The following SEMA6D variants were observed in gnomAD, a reference collection of about 807,000 sequenced individuals.
SEMA6D encodes semaphorin-6D.
Under a neutral mutation model 106.6 loss-of-function variants are expected in SEMA6D, and 35 were observed. The ratio of observed to expected loss-of-function variants is 0.33; its 90% CI spans 0.25 to 0.44. SEMA6D has a LOEUF of 0.44. Among genes scored for constraint, SEMA6D ranks in the 20% least tolerant of loss-of-function variants. The pLI, the probability that SEMA6D is intolerant of heterozygous loss-of-function variation, is 1.00. For synonymous variants in SEMA6D, 499 were observed against 487.7 expected (o/e 1.02, Z -0.31); for missense variants, 1,185 against 1,345.9 (o/e 0.88, Z 1.87).
intron 1 of SEMA6D, chr15:47,730,309 G>A: frequency 6.6e-7 from 1 of 1,515,914 alleles, no homozygotes; most frequent in Non-Finnish European, 9.0e-7. Flanking sequence ...AAGCGCCTTT[G>A]TCTTCCGAGT....
At chr15:47,700,736 GC>G (rs2078793520) in intron 4 of SEMA6D, among the ~76,000 whole-genome samples, 1 of 152,106 alleles carries the variant, frequency 6.6e-6, no homozygotes. Context: ...GCCAGCCTGG[GC>G]AACATAGCAA....
intron 1 of SEMA6D, among the ~76,000 whole-genome samples, chr15:47,758,750 A>G (rs1336947520): frequency 1.3e-5 from 2 of 152,156 alleles, no homozygotes; most frequent in African/African-American, 2.4e-5. Context: ...AATGCTCTAT[A>G]TTTGAAGGAC....
chr15:47,562,231 T>C (rs2046102213), intron 3 of SEMA6D, among the ~76,000 whole-genome samples: 1 of 152,010 alleles, frequency 6.6e-6, no homozygotes, highest in Non-Finnish European at 1.5e-5. Context: ...CTTGATCAAT[T>C]AGATATCCAC....
At chr15:47,374,413 C>T (rs1244074619) in intron 1 of SEMA6D, among the ~76,000 whole-genome samples, 4 of 152,078 alleles carry the variant, frequency 2.6e-5, no homozygotes, top group African/African-American at 7.2e-5. Context: ...CTTCTCCATT[C>T]GTTAGGGGGA....
intron 1 of SEMA6D, among the ~76,000 whole-genome samples, chr15:47,744,488 G>T (rs2081005717): frequency 6.6e-6 from 1 of 152,142 alleles, no homozygotes; most frequent in Admixed American, 6.5e-5. Flanking sequence ...CTAGCCTGTG[G>T]GACCACCTCA....
intron 1 of SEMA6D, among the ~76,000 whole-genome samples, chr15:47,189,449 G>T (rs977776755): frequency 6.6e-6 from 1 of 152,012 alleles, no homozygotes; most frequent in Non-Finnish European, 1.5e-5. Context: ...TGTACTTTTT[G>T]ACTGTAGAAA....
At chr15:47,418,913 T>C (rs2041065618) in intron 2 of SEMA6D, among the ~76,000 whole-genome samples, 1 of 152,144 alleles carries the variant, frequency 6.6e-6, no homozygotes, top group Non-Finnish European at 1.5e-5. Context: ...TCAGTCACAT[T>C]AGACTGCGTA....
intron 1 of SEMA6D, among the ~76,000 whole-genome samples, chr15:47,284,269 T>A (rs1356969202): frequency 6.6e-6 from 1 of 152,230 alleles, no homozygotes; most frequent in East Asian, 1.9e-4. Flanking sequence ...AGTTAAACAC[T>A]TGTTATCACT....
intron 1 of SEMA6D, among the ~76,000 whole-genome samples, chr15:47,756,543 TAA>T (rs898990973): frequency 2.0e-5 from 3 of 152,180 alleles, no homozygotes; most frequent in Non-Finnish European, 4.4e-5. Flanking sequence ...CTTAAAGAGA[TAA>T]AGTCAATTTA....
chr15:47,563,362 G>T (rs544151389), intron 3 of SEMA6D, among the ~76,000 whole-genome samples: 5 of 152,238 alleles, frequency 3.3e-5, no homozygotes, highest in East Asian at 1.9e-4. Context: ...AGAGTTAGGG[G>T]TATAAATATA....
chr15:47,729,261 A>G (rs1401620973), intron 1 of SEMA6D, among the ~76,000 whole-genome samples: 1 of 152,236 alleles, frequency 6.6e-6, no homozygotes, highest in Non-Finnish European at 1.5e-5. Flanking sequence ...TCATCATAGT[A>G]GTAACAACAC....
At chr15:47,280,915 CT>C (rs2035075719) in intron 1 of SEMA6D, among the ~76,000 whole-genome samples, 1 of 21,828 alleles carries the variant, frequency 4.6e-5, no homozygotes. Context: ...ATTTCTGTTC[CT>C]TTACATTTGC....
At chr15:47,517,037 ACT>A (rs2044410243) in intron 3 of SEMA6D, among the ~76,000 whole-genome samples, 1 of 151,894 alleles carries the variant, frequency 6.6e-6, no homozygotes, top group Non-Finnish European at 1.5e-5. Flanking sequence ...AGTCAGTGCT[ACT>A]CTCTTGTTTT....
intron 1 of SEMA6D, among the ~76,000 whole-genome samples, chr15:47,379,010 G>A (rs2039546745): frequency 2.6e-5 from 4 of 152,182 alleles, no homozygotes; most frequent in Admixed American, 2.6e-4. Context: ...AACAGAGACA[G>A]AAAGGGTAGA....
chr15:47,640,536 T>C (rs2077469318), intron 4 of SEMA6D, among the ~76,000 whole-genome samples: 1 of 152,164 alleles, frequency 6.6e-6, no homozygotes, highest in Non-Finnish European at 1.5e-5. Flanking sequence ...AGGTAGGATG[T>C]CAGTACTCTC....
rs534184431 is a variant in SEMA6D, at chr15:47,738,449, T to A, written c.-55+20757T>A. Among the ~76,000 whole-genome samples the A allele has an allele frequency of 1.3e-4, 20 of 152,338 alleles. No homozygotes were observed. In the South Asian group the frequency reaches 4.1e-3, roughly 32 times the overall value. ...ATGTCTTTGCTATTGCAAATAGTAC[T>A]AAGAAGCCTGACTTTTTAAAAAGAC... On this transcript the variant is annotated intron_variant, in intron 1 of 18. Coordinates refer to ENST00000536845, the MANE Select transcript of SEMA6D (RefSeq NM_001358351.3).
chr15:47,186,494 A>T (rs1893581361), intron 1 of SEMA6D, among the ~76,000 whole-genome samples: 1 of 151,352 alleles, frequency 6.6e-6, no homozygotes. Context: ...CATAATGTTT[A>T]TAACCTTAAT....
intron 3 of SEMA6D, among the ~76,000 whole-genome samples, chr15:47,558,114 T>C (rs1304071963): frequency 3.9e-5 from 6 of 152,078 alleles, no homozygotes; most frequent in African/African-American, 2.4e-5. Context: ...AATGATCCCA[T>C]ATGAAAAGGT....
chr15:47,550,270 T>C (rs1210837552), intron 3 of SEMA6D, among the ~76,000 whole-genome samples: 1 of 152,168 alleles, frequency 6.6e-6, no homozygotes, highest in Non-Finnish European at 1.5e-5. Flanking sequence ...GGTCCATTTT[T>C]TAATGTTAAT....
Sources: allele counts gnomAD v4.1 joint callset (sites outside exome capture counted in the v4.1 genomes callset), GRCh38; gene constraint gnomAD v4.1.1; transcripts MANE v1.5; gene names NCBI Gene and HGNC (gene_info 2026-07-23, HGNC 2026-07-21).